HERC2: variants seen among roughly 807,000 people sequenced by gnomAD.
HERC2 encodes E3 ubiquitin-protein ligase HERC2.
Under a neutral mutation model 537.7 loss-of-function variants are expected in HERC2, and 102 were observed. The observed-to-expected ratio is 0.19, with a 90% CI of 0.16 to 0.22. The LOEUF is 0.22. Ranked by LOEUF, HERC2 falls within the 10% of genes least tolerant of loss-of-function variation. The pLI is 1.00. For missense variants in HERC2, 4,236 were observed against 6,198.2 expected (o/e 0.68, Z 10.63); for synonymous variants, 2,224 against 2,466.2 (o/e 0.90, Z 2.91).
intron 10 of HERC2, among the ~76,000 whole-genome samples, chr15:28,269,647 A>C (rs2075664966): frequency 6.6e-6 from 1 of 152,256 alleles, no homozygotes; most frequent in Admixed American, 6.5e-5. Context: ...TTTCCATTGC[A>C]TTTCATTTTA....
intron 4 of HERC2, among the ~76,000 whole-genome samples, chr15:28,285,600 C>T (rs2076134958): frequency 6.7e-6 from 1 of 149,698 alleles, no homozygotes; most frequent in Non-Finnish European, 1.5e-5. Flanking sequence ...AACTTGGAAA[C>T]AAATCAATAA....
chr15:28,123,239 T>A (rs1201322578), intron 85 of HERC2, among the ~76,000 whole-genome samples: 2 of 152,216 alleles, frequency 1.3e-5, no homozygotes, highest in Non-Finnish European at 2.9e-5. Context: ...AAAAGTAACC[T>A]GCTGGGACAG....
chr15:28,240,211 G>A (rs529205462), intron 23 of HERC2, among the ~76,000 whole-genome samples: 1 of 152,226 alleles, frequency 6.6e-6, no homozygotes, highest in Non-Finnish European at 1.5e-5. Flanking sequence ...AAGGTCAGGA[G>A]ATGGAGACCA....
At chr15:28,171,990 G>A (rs1019095032) in intron 65 of HERC2, among the ~76,000 whole-genome samples, 5 of 151,616 alleles carry the variant, frequency 3.3e-5, no homozygotes, top group Admixed American at 6.6e-5. Flanking sequence ...CAGGAGAATG[G>A]CGTGAACCCG....
intron 2 of HERC2, among the ~76,000 whole-genome samples, chr15:28,304,221 T>G (rs971025436): frequency 2.0e-5 from 3 of 150,886 alleles, no homozygotes; most frequent in Non-Finnish European, 4.4e-5. Flanking sequence ...TTTTGTATGT[T>G]AATTTAGTAT....
intron 48 of HERC2, among the ~76,000 whole-genome samples, chr15:28,201,143 G>A (rs1314294932): frequency 6.6e-6 from 1 of 151,292 alleles, no homozygotes; most frequent in Non-Finnish European, 1.5e-5. Context: ...CCTCTGTCTG[G>A]GTGCCCATCC....
intron 35 of HERC2, among the ~76,000 whole-genome samples, chr15:28,222,996 G>C (rs1217706791): frequency 1.3e-5 from 2 of 151,988 alleles, no homozygotes; most frequent in African/African-American, 2.4e-5. Context: ...TCATGATTTT[G>C]CTCTGTGTGC....
In HERC2 at chr15:28,141,517, G is replaced by A; in HGVS notation, c.11930C>T (p.Thr3977Ile). Residue 3977 changes from threonine to isoleucine, a missense_variant, in exon 78 of 93, where the codon ACT becomes ATT. Thr to Ile is a moderately conservative substitution (Grantham distance 89). Transcript: ENST00000261609. ...GAGAGTTGCAAGGGCTTCACAGGGAGTGGGAACTTTGACTTTTGCGCCTTC... is the reference window on the plus strand; with the variant it reads ...GAGAGTTGCAAGGGCTTCACAGGGAATGGGAACTTTGACTTTTGCGCCTTC... ...GIEGAKVKVP[T>I]PCEALATLRP... The A allele has an allele frequency of 1.2e-6, 2 of 1,614,184 alleles. No homozygotes were observed. Among genetic ancestry groups the A allele is most frequent in the Non-Finnish European group, 1.7e-6 (2 of 1,180,036 alleles).
At chr15:28,195,449 A>C (rs1191694134) in intron 52 of HERC2, among the ~76,000 whole-genome samples, 2 of 152,196 alleles carry the variant, frequency 1.3e-5, no homozygotes, top group Admixed American at 6.5e-5. Flanking sequence ...CGACAGACTG[A>C]GACTCTGTCT....
Position 28,201,550 on chromosome 15 carries a change from G to C in HERC2, c.7622C>G (p.Thr2541Ser), listed in dbSNP as rs1349558604. ...CTGGCTCTCCGTCACAACAGCACCAGTAGACTGCAAGAAATAAATACATTC... is the reference window on the plus strand; with the variant it reads ...CTGGCTCTCCGTCACAACAGCACCACTAGACTGCAAGAAATAAATACATTC... ...DVDDAAYSMS[T>S]GAVVTESQTY... The change falls in exon 48 of 93, where the codon ACT (threonine) becomes AGT (serine). Residue 2541 changes from threonine to serine, a missense_variant. Physicochemically the swap from Thr to Ser is moderately conservative, Grantham distance 58 (BLOSUM62 1). Coordinates refer to ENST00000261609, the MANE Select transcript of HERC2 (RefSeq NM_004667.6). 2.5e-6 allele frequency: 4 copies of C among 1,607,662 alleles called. No individual in the cohort carries two copies. Among genetic ancestry groups the C allele is most frequent in the Non-Finnish European group, 3.4e-6 (4 of 1,174,224 alleles).
intron 19 of HERC2, 130 bp from the exon 20 acceptor site, chr15:28,254,648 C>A: frequency 1.7e-6 from 1 of 577,952 alleles, no homozygotes; most frequent in Non-Finnish European, 3.0e-6. Context: ...CACCTACCCA[C>A]AGGCCCCCAT....
chr15:28,116,957 G>A (rs924691809), intron 87 of HERC2, 56 bp downstream of exon 87: 57 of 1,612,618 alleles, frequency 3.5e-5, no homozygotes, highest in Non-Finnish European at 4.7e-5. Flanking sequence ...GCTCCCTGTG[G>A]GCTCAGGCGA....
intron 87 of HERC2, 66 bp downstream of exon 87, chr15:28,116,947 G>A: frequency 6.2e-7 from 1 of 1,611,808 alleles, no homozygotes; most frequent in Non-Finnish European, 8.5e-7. Context: ...TGGCCTCTGT[G>A]CTCCCTGTGG....
intron 2 of HERC2, among the ~76,000 whole-genome samples, chr15:28,311,256 G>A (rs562457674): frequency 6.6e-6 from 1 of 151,942 alleles, no homozygotes; most frequent in African/African-American, 2.4e-5. Flanking sequence ...CTTGAGCCCA[G>A]GAGTTCGAGA....
At chr15:28,293,904 C>T (rs866948335) in intron 3 of HERC2, among the ~76,000 whole-genome samples, 6 of 152,148 alleles carry the variant, frequency 3.9e-5, no homozygotes, top group African/African-American at 1.2e-4. Flanking sequence ...ACACAGTAAG[C>T]GAAGAGAAGA....
intron 44 of HERC2, among the ~76,000 whole-genome samples, chr15:28,206,711 T>C (rs1271146217): frequency 1.3e-5 from 2 of 151,494 alleles, no homozygotes; most frequent in Non-Finnish European, 2.9e-5. Context: ...CGGGCGCCTG[T>C]AGTCCCAGCT....
intron 23 of HERC2, among the ~76,000 whole-genome samples, chr15:28,240,753 T>G (rs1903020349): frequency 6.6e-6 from 1 of 152,152 alleles, no homozygotes; most frequent in East Asian, 1.9e-4. Flanking sequence ...ACGTATTTGG[T>G]CATACGATTT....
intron 56 of HERC2, among the ~76,000 whole-genome samples, chr15:28,184,636 C>A (rs375677686): frequency 2.2e-4 from 33 of 151,920 alleles, no homozygotes; most frequent in African/African-American, 6.0e-4. Flanking sequence ...CTGAGGCAGG[C>A]GGATTACGAG....
At chr15:28,243,954 T>C (rs1301968879) in intron 23 of HERC2, among the ~76,000 whole-genome samples, 1 of 151,900 alleles carries the variant, frequency 6.6e-6, no homozygotes, top group East Asian at 1.9e-4. Context: ...TGTGGGAGGA[T>C]CACTTGAGCC....
Sources: allele counts gnomAD v4.1 joint callset (sites outside exome capture counted in the v4.1 genomes callset), GRCh38; gene constraint gnomAD v4.1.1; transcripts MANE v1.5; gene names NCBI Gene and HGNC (gene_info 2026-07-23, HGNC 2026-07-21).